Variants in USP32 observed in about 807,000 individuals in gnomAD.
USP32 encodes the protein ubiquitin specific peptidase 32, also known as ubiquitin carboxyl-terminal hydrolase 32.
Under a neutral mutation model 204.8 loss-of-function variants are expected in USP32, and 59 were observed. The observed-to-expected ratio is 0.29, with a 90% CI of 0.23 to 0.36. The LOEUF (loss-of-function observed/expected upper bound fraction) is 0.36, where lower values mean the gene tolerates loss of function less well. USP32 is among the 10% of genes least tolerant of loss of function. USP32 has a pLI of 1.00. For synonymous variants in USP32, 517 were observed against 678.4 expected, an observed-to-expected ratio of 0.76 and a Z score of 3.70; for missense variants, 1,160 against 1,946.4, an observed-to-expected ratio of 0.60 and a Z score of 7.60.
intron 1 of USP32, among the ~76,000 whole-genome samples, chr17:60,367,084 C>T (rs2089332829): frequency 6.6e-6 from 1 of 152,172 alleles, no homozygotes; most frequent in Non-Finnish European, 1.5e-5. Flanking sequence ...CCCTTGGCCT[C>T]CCAAAGTGCT....
chr17:60,201,809 C>G (rs2084683670), intron 26 of USP32, among the ~76,000 whole-genome samples: 1 of 152,072 alleles, frequency 6.6e-6, no homozygotes. Flanking sequence ...CATGTGCCCA[C>G]CATCACGCCC....
At chr17:60,289,287 C>T (rs1306071658) in intron 4 of USP32, among the ~76,000 whole-genome samples, 1 of 152,220 alleles carries the variant, frequency 6.6e-6, no homozygotes, top group Non-Finnish European at 1.5e-5. Context: ...GGATTACAGG[C>T]ATGAGCCACC....
At chr17:60,286,222 G>T (rs2087107374) in intron 5 of USP32, among the ~76,000 whole-genome samples, 1 of 152,030 alleles carries the variant, frequency 6.6e-6, no homozygotes, top group Admixed American at 6.6e-5. Context: ...TAACACTTAG[G>T]CCTGTGTAGT....
In USP32 at chr17:60,208,760, A is replaced by C. The variant is rs549697017; in HGVS notation, c.2667T>G (p.Ser889=). The C allele has an allele frequency of 3.1e-6, 5 of 1,608,994 alleles. No homozygotes were observed. The East Asian group carries it at 1.1e-4, about 36-fold the overall frequency. Residue 889 remains serine, a synonymous_variant, in exon 23 of 34, where the codon TCT becomes TCG. Coordinates refer to ENST00000300896, the MANE Select transcript of USP32 (RefSeq NM_032582.4). The part of the protein sequence containing the change: ...VVDLFHGQLR[S]QVKCKTCGHI... ...GCCCACATGTCTTGCATTTTACTTG[A>C]GATCTTAGCTGCCCATGGAACAAAT...
At chr17:60,220,369 A>G (rs1318099545) in intron 15 of USP32, among the ~76,000 whole-genome samples, 1 of 152,144 alleles carries the variant, frequency 6.6e-6, no homozygotes, top group Admixed American at 6.5e-5. Context: ...TATTTTTTGT[A>G]CTAGTAGTGA....
intron 1 of USP32, among the ~76,000 whole-genome samples, chr17:60,401,160 T>TA (rs1196742613): frequency 7.2e-4 from 92 of 127,838 alleles, no homozygotes; most frequent in Middle Eastern, 9.1e-3. Context: ...AGACCCTGTC[T>TA]AAAAAAAAAA....
chr17:60,190,146 G>T (rs903610516), intron 29 of USP32, among the ~76,000 whole-genome samples: 1 of 152,098 alleles, frequency 6.6e-6, no homozygotes, highest in African/African-American at 2.4e-5. Context: ...AGAAAGCGAG[G>T]ATCTTCCTCC....
intron 1 of USP32, among the ~76,000 whole-genome samples, chr17:60,351,948 A>G (rs555002721): frequency 6.6e-6 from 1 of 152,300 alleles, no homozygotes; most frequent in East Asian, 1.9e-4. Flanking sequence ...CTGGCAAAAA[A>G]AAACGCAAAG....
intron 11 of USP32, among the ~76,000 whole-genome samples, chr17:60,237,279 T>C (rs958927631): frequency 1.3e-5 from 2 of 150,460 alleles, no homozygotes; most frequent in African/African-American, 4.9e-5. Context: ...TATCTGGGAC[T>C]ACAGGTGTGT....
Position 60,217,504 on chromosome 17 carries a change from A to C in USP32, c.1867+2166T>G, listed in dbSNP as rs184091261. Reference sequence around the variant, plus strand: ...AAGATGGGGTTTCACCATGTTGACCAGGTTGGTCTCGAACTCCTGACCTCT... The same window carrying C: ...AAGATGGGGTTTCACCATGTTGACCCGGTTGGTCTCGAACTCCTGACCTCT... On this transcript the variant is annotated intron_variant, in intron 16 of 33. Transcript: ENST00000300896. Among the ~76,000 whole-genome samples, 51 of 152,248 alleles carry C rather than the reference A, an allele frequency of 3.3e-4. No homozygotes were observed. In the East Asian group the frequency reaches 9.5e-3, roughly 28 times the overall value.
intron 1 of USP32, among the ~76,000 whole-genome samples, chr17:60,345,941 C>T (rs896891407): frequency 4.0e-5 from 6 of 151,552 alleles, no homozygotes; most frequent in South Asian, 2.1e-4. Flanking sequence ...AAGACCATGC[C>T]GCCGCACTCC....
At chr17:60,263,332 G>A (rs182677801) in intron 9 of USP32, among the ~76,000 whole-genome samples, 2 of 152,116 alleles carry the variant, frequency 1.3e-5, no homozygotes, top group African/African-American at 4.8e-5. Flanking sequence ...TAGATCTCTT[G>A]AGCCACTACA....
intron 1 of USP32, among the ~76,000 whole-genome samples, chr17:60,416,568 C>A (rs1489296935): frequency 6.6e-6 from 1 of 152,088 alleles, no homozygotes; most frequent in Non-Finnish European, 1.5e-5. Context: ...TTTATGCCGA[C>A]CAATGGAATT....
intron 5 of USP32, among the ~76,000 whole-genome samples, chr17:60,278,746 T>C (rs967201552): frequency 6.6e-6 from 1 of 152,150 alleles, no homozygotes; most frequent in African/African-American, 2.4e-5. Flanking sequence ...GGCATTTCAG[T>C]CACAACGTAG....
rs770487678 is a variant in USP32, at chr17:60,223,566, G to A, written c.1453C>T (p.Pro485Ser). The A allele has an allele frequency of 6.2e-7, 1 of 1,600,700 alleles. No individual in the cohort carries two copies. The highest frequency in any genetic ancestry group is 8.5e-7 in the Non-Finnish European group (1 of 1,176,848). ...AGSGFLYSAT[P>S]GADVCFARQH... Reference sequence around the variant, plus strand: ...CGAGCAAAGCAAACATCTGCCCCTGGTGTGGCAGAATACAGAAAGCCTATA... The same window carrying A: ...CGAGCAAAGCAAACATCTGCCCCTGATGTGGCAGAATACAGAAAGCCTATA... Residue 485 changes from proline (P) to serine (S), a missense_variant, in exon 14 of 34, where the codon CCA becomes TCA. Pro to Ser is a moderately conservative substitution (Grantham distance 74). Around this residue, in one of 8 missense-constraint regions of USP32, gnomAD observed 536 missense variants for 680.9 expected, o/e 0.79. Transcript: ENST00000300896.
chr17:60,228,546 G>T (rs1444027226), intron 12 of USP32, among the ~76,000 whole-genome samples: 2 of 145,782 alleles, frequency 1.4e-5, no homozygotes, highest in Non-Finnish European at 3.0e-5. Flanking sequence ...GCCAGGGATG[G>T]TGGCTCATGT....
intron 5 of USP32, among the ~76,000 whole-genome samples, chr17:60,283,734 A>T (rs913382684): frequency 2.6e-5 from 4 of 151,908 alleles, no homozygotes; most frequent in African/African-American, 7.3e-5. Flanking sequence ...CACTTTAGAT[A>T]TAAGATTTAG....
intron 2 of USP32, among the ~76,000 whole-genome samples, chr17:60,313,510 T>A (rs1302878957): frequency 6.6e-6 from 1 of 151,806 alleles, no homozygotes; most frequent in African/African-American, 2.4e-5. Flanking sequence ...AAATTCTGAA[T>A]AAATAACAAC....
intron 30 of USP32, among the ~76,000 whole-genome samples, chr17:60,185,074 G>A (rs1353675933): frequency 6.6e-6 from 1 of 152,176 alleles, no homozygotes; most frequent in Non-Finnish European, 1.5e-5. Context: ...AGTGGGTGTT[G>A]GGGGCTCCAG....
Sources: gnomAD v4.1 joint callset for allele counts (sites outside exome capture counted in the v4.1 genomes callset) on GRCh38, gnomAD v4.1.1 for gene constraint, gnomAD v4.1.1 regional missense constraint, MANE v1.5 for transcripts, NCBI Gene and HGNC (gene_info 2026-07-23, HGNC 2026-07-21) for gene names.